The following RARA variants were observed in gnomAD, a reference collection of about 807,000 sequenced individuals.
RARA encodes the protein PML-DDX5-RARA fusion.
In RARA, 5 loss-of-function variants were observed where a neutral mutation model predicts 42.8. That is an observed-to-expected ratio of 0.12 (90% CI 0.06 to 0.25). The LOEUF (loss-of-function observed/expected upper bound fraction) is 0.25. RARA is among the 10% of genes least tolerant of loss of function. RARA has a pLI of 1.00. For synonymous variants in RARA, 256 were observed against 259.5 expected (o/e 0.99, Z 0.13); for missense variants, 402 against 628.7 (o/e 0.64, Z 3.86).
At chr17:40,353,545 C>T (rs2034519547) in intron 6 of RARA, among the ~76,000 whole-genome samples, 1 of 152,146 alleles carries the variant, frequency 6.6e-6, no homozygotes, top group Admixed American at 6.5e-5. Flanking sequence ...CAACTGCTGC[C>T]TCCCGGGTTC....
chr17:40,339,712 A>C (rs1335834027), intron 2 of RARA, among the ~76,000 whole-genome samples: 1 of 151,980 alleles, frequency 6.6e-6, no homozygotes, highest in Non-Finnish European at 1.5e-5. Flanking sequence ...ATTTTTTAAC[A>C]ACACTCATCT....
chr17:40,356,383 T>A lies in RARA; in HGVS notation c.*157T>A, dbSNP rs2034631473. The A allele has an allele frequency of 1.2e-6, 1 of 859,124 alleles. No homozygotes were observed. The highest frequency in any genetic ancestry group is 1.9e-6 in the Non-Finnish European group (1 of 529,096). The allele number at this position is 859,124 out of a possible 1,614,324, so 53.2% of individuals were successfully genotyped here. A position where few individuals can be genotyped will look rare whatever the true frequency, so the allele number is the denominator to read the frequency against. ...GGACGGGGAGGGAGGAGGCAGCGAC[T>A]CCTTGGACAGAGGCCTGGGCCCTCA... On this transcript the variant is annotated 3_prime_UTR_variant, in exon 9 of 9. Transcript: ENST00000254066.
At chr17:40,334,635 C>T (rs2033792005) in intron 2 of RARA, among the ~76,000 whole-genome samples, 1 of 152,192 alleles carries the variant, frequency 6.6e-6, no homozygotes, top group African/African-American at 2.4e-5. Flanking sequence ...AGGCAGTTCC[C>T]AGGAGAGGTG....
rs1465020350 is a variant in RARA, at chr17:40,351,356, G to C, written c.470-554G>C. The C allele has an allele frequency of 5.5e-6, 2 of 362,050 alleles. No individual in the cohort carries two copies. Among genetic ancestry groups the C allele is most frequent in the South Asian group, 4.1e-5 (2 of 49,100 alleles). 22.4% of individuals were successfully genotyped at this position (362,050 alleles called of 1,614,324 possible). The stretch of plus-strand genomic sequence containing the variant: ...CCCATCGCTTCTTTAAAGCCGAGTG[G>C]TGTGTGCGGCTCAGCGCCCCTGGTG... On this transcript the variant is annotated intron_variant, in intron 4 of 8. Coordinates refer to ENST00000254066, the MANE Select transcript of RARA (RefSeq NM_000964.4). The surrounding 1 kb of genome is among the most constrained non-coding windows in gnomAD (Gnocchi z 4.1).
At chr17:40,342,334 G>C (rs2034088085) in intron 2 of RARA, 3 of 1,075,092 alleles carry the variant, frequency 2.8e-6, no homozygotes, top group Non-Finnish European at 3.4e-6. Context: ...GCCCCGCGCT[G>C]ATCCCGCCCC....
At chr17:40,341,522 C>T in intron 2 of RARA, 1 of 1,480,940 alleles carries the variant, frequency 6.8e-7, no homozygotes, top group Non-Finnish European at 9.0e-7. Context: ...CCGCTCTCCG[C>T]GTCTCCGGGG....
chr17:40,322,435 C>G (rs114662706), intron 1 of RARA, among the ~76,000 whole-genome samples: 1 of 152,022 alleles, frequency 6.6e-6, no homozygotes, highest in Non-Finnish European at 1.5e-5. Flanking sequence ...GTTCCCTCTC[C>G]CCACAGAGTT....
At position 40,356,744 on chromosome 17, in the gene RARA, A is replaced by G. The variant is rs1567769036; in HGVS notation, c.*518A>G. 9.5e-6 allele frequency: 5 copies of G among 525,410 alleles called. No homozygotes were observed. The highest frequency in any genetic ancestry group is 1.8e-5 in the Non-Finnish European group (5 of 274,160). The allele number at this position is 525,410 out of a possible 1,614,324, so 32.5% of individuals were successfully genotyped here. On this transcript the variant is annotated 3_prime_UTR_variant, in exon 9 of 9. Transcript: ENST00000254066. ...ATTAATTCTCGCTGGTTTTGTTTTT[A>G]TTTTAATTTTTTTGTTTTGATTTTT...
In RARA at chr17:40,340,031, C is replaced by A. The variant is rs537563833; in HGVS notation, c.179-8285C>A. Reference sequence around the variant, plus strand: ...TCCACCTGTCCAGCAGCCCAGTGGACTTCTCTGCTTTGCAGTCTCAGGAAC... The same window carrying A: ...TCCACCTGTCCAGCAGCCCAGTGGAATTCTCTGCTTTGCAGTCTCAGGAAC... On this transcript the variant is annotated intron_variant, in intron 2 of 8. Transcript: ENST00000254066. 1.7e-3 allele frequency among the ~76,000 whole-genome samples: 265 copies of A among 152,332 alleles called. 3 individuals carry two copies. Among genetic ancestry groups the A allele is most frequent in the African/African-American group, 6.0e-3 (249 of 41,574 alleles).
chr17:40,346,243 C>T (rs2034261583), intron 2 of RARA, among the ~76,000 whole-genome samples: 1 of 152,150 alleles, frequency 6.6e-6, no homozygotes, highest in African/African-American at 2.4e-5. Flanking sequence ...GAGCTGTTTA[C>T]CTCTCATCCT....
chr17:40,321,371 G>A (rs2033373658), intron 1 of RARA, among the ~76,000 whole-genome samples: 1 of 151,816 alleles, frequency 6.6e-6, no homozygotes, highest in Non-Finnish European at 1.5e-5. Flanking sequence ...CCGCCTGCTT[G>A]CTTTCCCTCT....
chr17:40,341,303 G>C, intron 2 of RARA: 1 of 1,378,384 alleles, frequency 7.3e-7, no homozygotes, highest in South Asian at 1.7e-5. Flanking sequence ...GAAGCACGCA[G>C]AGCGTGGGGA....
Position 40,351,684 on chromosome 17 carries a change from G to T in RARA, c.470-226G>T, listed in dbSNP as rs2034458454. ...GGTGGGGGGTGTGTGCAGGGCCACA[G>T]CTGTGCTCATGGGGCTTCTGGGGCA... is the stretch of plus-strand genomic sequence containing the variant. On this transcript the variant is annotated intron_variant, in intron 4 of 8. Coordinates refer to ENST00000254066, the MANE Select transcript of RARA (RefSeq NM_000964.4). This position sits in a 1 kb window ranked among gnomAD's most constrained non-coding sequence, Gnocchi z 4.1. Among the ~76,000 whole-genome samples the T allele has an allele frequency of 6.6e-6, 1 of 152,172 alleles. No individual in the cohort carries two copies. The highest frequency in any genetic ancestry group is 2.4e-5 in the African/African-American group (1 of 41,442).
chr17:40,329,896 C>T (rs185889408), intron 1 of RARA, among the ~76,000 whole-genome samples: 1 of 152,236 alleles, frequency 6.6e-6, no homozygotes, highest in East Asian at 1.9e-4. Flanking sequence ...ATCCTCTTGT[C>T]CTCGTATGGA....
At chr17:40,333,868 C>T (rs1438343569) in intron 2 of RARA, among the ~76,000 whole-genome samples, 2 of 152,166 alleles carry the variant, frequency 1.3e-5, no homozygotes, top group Non-Finnish European at 2.9e-5. Flanking sequence ...AACTCCTGAG[C>T]TCAAGCAGTC....
rs2034622248 is a variant in RARA, at chr17:40,356,202, C to T, written c.1365C>T (p.Ser455=). ...GCCTCAGCCCCAGCTCCAACAGAAG[C>T]AGCCCGGCCACCCACTCCCCGTGAC... The part of the protein sequence containing the change: ...SPSLSPSSNR[S]SPATHSP Residue 455 remains serine (S), a synonymous_variant, in exon 9 of 9, where the codon AGC becomes AGT. Transcript: ENST00000254066. The T allele has an allele frequency of 1.3e-6, 2 of 1,550,004 alleles. No homozygotes were observed. Among genetic ancestry groups the T allele is most frequent in the African/African-American group, 1.4e-5 (1 of 73,072 alleles).
At chr17:40,342,731 T>C in intron 2 of RARA, 2 of 1,611,582 alleles carry the variant, frequency 1.2e-6, no homozygotes, top group Non-Finnish European at 1.7e-6. Flanking sequence ...AAGTGGGGGG[T>C]CCCACCCCTA....
At chr17:40,327,956 GCAGGGGC>G (rs1189094191) in intron 1 of RARA, among the ~76,000 whole-genome samples, 1 of 152,218 alleles carries the variant, frequency 6.6e-6, no homozygotes, top group Non-Finnish European at 1.5e-5. Flanking sequence ...GAGGGAATTG[GCAGGGGC>G]CTGGGGTAGG....
In RARA at chr17:40,357,333, C is replaced by T. The variant is rs182891484; in HGVS notation, c.*1107C>T. 3.3e-3 allele frequency: 775 copies of T among 234,954 alleles called. 9 individuals carry two copies. The highest frequency in any genetic ancestry group is 0.016 in the African/African-American group (727 of 45,290). The allele number at this position is 234,954 out of a possible 1,614,324, so 14.6% of individuals were successfully genotyped here. On this transcript the variant is annotated 3_prime_UTR_variant, in exon 9 of 9. Coordinates refer to ENST00000254066, the MANE Select transcript of RARA (RefSeq NM_000964.4). ...CCCAGACACCACACACATGCGCGTG[C>T]GCACACACACAAACACACACACACT...
Sources: allele counts gnomAD v4.1 joint callset (sites outside exome capture counted in the v4.1 genomes callset), GRCh38; gene constraint gnomAD v4.1.1; non-coding constraint Gnocchi (gnomAD v3.1); transcripts MANE v1.5; gene names NCBI Gene and HGNC (gene_info 2026-07-23, HGNC 2026-07-21).